Variants in CCSER1 observed in about 807,000 individuals in gnomAD.
CCSER1 encodes coiled-coil serine rich protein 1, also known as serine-rich coiled-coil domain-containing protein 1.
A neutral mutation model predicts 82.0 loss-of-function variants in CCSER1; 41 were observed. The observed-to-expected ratio is 0.50, with a 90% CI of 0.39 to 0.65. The LOEUF is 0.65. Ranked by LOEUF, CCSER1 falls within the 30% of genes least tolerant of loss-of-function variation. The probability of loss-of-function intolerance (pLI) is 0.00; values close to 1 mark genes in which losing one functional copy is unlikely to be tolerated. For synonymous variants in CCSER1, 414 were observed against 383.9 expected, an observed-to-expected ratio of 1.08 and a Z score of -0.92; for missense variants, 1,119 against 1,064.2, an observed-to-expected ratio of 1.05 and a Z score of -0.72.
intron 8 of CCSER1, among the ~76,000 whole-genome samples, chr4:90,851,375 G>A (rs1178325021): frequency 1.3e-5 from 2 of 149,810 alleles, no homozygotes; most frequent in African/African-American, 4.9e-5. Context: ...CAAAATTCAA[G>A]GTTCTTACTA....
chr4:90,444,912 C>T (rs910431382), intron 4 of CCSER1, among the ~76,000 whole-genome samples: 9 of 151,820 alleles, frequency 5.9e-5, no homozygotes, highest in South Asian at 2.1e-4. Flanking sequence ...TTACAGTGAA[C>T]GCATGACATT....
At chr4:91,087,647 C>T (rs1358107422) in intron 10 of CCSER1, among the ~76,000 whole-genome samples, 2 of 151,998 alleles carry the variant, frequency 1.3e-5, no homozygotes, top group Non-Finnish European at 2.9e-5. Context: ...TGATTTTGGC[C>T]TTCTCCCTCA....
intron 9 of CCSER1, among the ~76,000 whole-genome samples, chr4:91,022,644 T>C (rs1740102842): frequency 6.6e-6 from 1 of 152,198 alleles, no homozygotes; most frequent in Non-Finnish European, 1.5e-5. Flanking sequence ...AAAGTGTTCT[T>C]ATTTCTCCAC....
At chr4:91,386,354 T>C (rs1751286676) in intron 10 of CCSER1, among the ~76,000 whole-genome samples, 1 of 152,052 alleles carries the variant, frequency 6.6e-6, no homozygotes, top group Admixed American at 6.6e-5. Flanking sequence ...TAATAAATTG[T>C]TTAACAACAG....
At chr4:90,610,114 G>A (rs545164436) in intron 5 of CCSER1, among the ~76,000 whole-genome samples, 4 of 151,902 alleles carry the variant, frequency 2.6e-5, no homozygotes, top group Non-Finnish European at 2.9e-5. Context: ...TTAGCCGGGC[G>A]TGGTGGCGGG....
At chr4:91,596,198 A>G (rs1197920596) in intron 10 of CCSER1, among the ~76,000 whole-genome samples, 1 of 151,952 alleles carries the variant, frequency 6.6e-6, no homozygotes, top group Non-Finnish European at 1.5e-5. Context: ...TCTTTTTAAA[A>G]CTGTATATTC....
intron 1 of CCSER1, among the ~76,000 whole-genome samples, chr4:90,181,926 G>A (rs1733799587): frequency 6.6e-6 from 1 of 152,080 alleles, no homozygotes; most frequent in Non-Finnish European, 1.5e-5. Flanking sequence ...CTAAGGGTTG[G>A]ATTTAGAAAA....
intron 3 of CCSER1, among the ~76,000 whole-genome samples, chr4:90,319,995 C>CTAAATGTA (rs1258938496): frequency 3.9e-5 from 6 of 152,150 alleles, no homozygotes; most frequent in Admixed American, 3.9e-4. Context: ...GTTAATAGCC[C>CTAAATGTA]TAATCCTTTA....
intron 10 of CCSER1, among the ~76,000 whole-genome samples, chr4:91,337,569 G>C (rs1187271130): frequency 1.3e-5 from 2 of 151,990 alleles, no homozygotes; most frequent in Non-Finnish European, 2.9e-5. Context: ...ACTGTGACCT[G>C]TTTGTCTGCT....
chr4:91,142,312 A>G (rs538119209), intron 10 of CCSER1, among the ~76,000 whole-genome samples: 2 of 152,280 alleles, frequency 1.3e-5, no homozygotes, highest in East Asian at 1.9e-4. Flanking sequence ...GCTTTCTGCC[A>G]TGATTGTGAG....
chr4:90,221,916 CATATATT>C (rs1042689838), intron 1 of CCSER1, among the ~76,000 whole-genome samples: 5 of 152,140 alleles, frequency 3.3e-5, no homozygotes, highest in African/African-American at 1.2e-4. Context: ...AAACATAACT[CATATATT>C]AGATAAATGA....
At chr4:90,189,534 A>T (rs1303870638) in intron 1 of CCSER1, among the ~76,000 whole-genome samples, 4 of 151,784 alleles carry the variant, frequency 2.6e-5, no homozygotes, top group Non-Finnish European at 5.9e-5. Context: ...GTATGTATGT[A>T]TATATATAGA....
chr4:91,438,311 C>T (rs894595384), intron 10 of CCSER1, among the ~76,000 whole-genome samples: 1 of 152,192 alleles, frequency 6.6e-6, no homozygotes, highest in African/African-American at 2.4e-5. Context: ...CAGACAGCAG[C>T]ATTCGCGGTT....
chr4:91,412,308 C>G (rs181669058), intron 10 of CCSER1, among the ~76,000 whole-genome samples: 63 of 152,124 alleles, frequency 4.1e-4, no homozygotes, highest in African/African-American at 1.5e-3. Flanking sequence ...GATCCACCAA[C>G]TCAGATCCAG....
At chr4:91,075,392 C>A (rs370511177) in intron 9 of CCSER1, among the ~76,000 whole-genome samples, 1 of 151,894 alleles carries the variant, frequency 6.6e-6, no homozygotes, top group African/African-American at 2.4e-5. Context: ...GAATTTTTTC[C>A]AACCACATCC....
At chr4:90,375,620 C>T (rs1228710540) in intron 3 of CCSER1, among the ~76,000 whole-genome samples, 1 of 152,188 alleles carries the variant, frequency 6.6e-6, no homozygotes, top group African/African-American at 2.4e-5. Context: ...TGCCCCACCA[C>T]ATAACTCTAA....
intron 10 of CCSER1, among the ~76,000 whole-genome samples, chr4:91,305,659 ATG>A (rs371511733): frequency 1.5e-4 from 23 of 149,328 alleles, no homozygotes; most frequent in East Asian, 2.0e-4. Flanking sequence ...GTGTGTATGT[ATG>A]TGTGTGTGTG....
chr4:90,138,011 A>G (rs1724007295), intron 1 of CCSER1, among the ~76,000 whole-genome samples: 1 of 152,218 alleles, frequency 6.6e-6, no homozygotes, highest in Non-Finnish European at 1.5e-5. Context: ...AAAGTATCAT[A>G]ATTCACTGCT....
At chr4:90,327,940 T>C (rs182741094) in intron 3 of CCSER1, among the ~76,000 whole-genome samples, 11 of 152,314 alleles carry the variant, frequency 7.2e-5, no homozygotes, top group Admixed American at 2.0e-4. Context: ...ACTCTCTTTC[T>C]TTCACAGTGC....
Sources: gnomAD v4.1 joint callset for allele counts (sites outside exome capture counted in the v4.1 genomes callset) on GRCh38, gnomAD v4.1.1 for gene constraint, MANE v1.5 for transcripts, NCBI Gene and HGNC (gene_info 2026-07-23, HGNC 2026-07-21) for gene names.